The following SATB1 variants were observed in gnomAD, a reference collection of about 807,000 sequenced individuals.
The protein encoded by SATB1 is SATB homeobox 1.
In SATB1, 11 loss-of-function variants were observed where a neutral mutation model predicts 86.9. That is an observed-to-expected ratio of 0.13 (90% confidence interval 0.08 to 0.21). SATB1 has a LOEUF of 0.21. Ranked by LOEUF, SATB1 falls within the 10% of genes least tolerant of loss-of-function variation. The probability of loss-of-function intolerance (pLI) is 1.00; values close to 1 mark genes in which losing one functional copy is unlikely to be tolerated. For synonymous variants in SATB1, 357 were observed against 357.2 expected, an observed-to-expected ratio of 1.00 and a Z score of 0.01; for missense variants, 551 against 937.6, an observed-to-expected ratio of 0.59 and a Z score of 5.39.
In SATB1 at chr3:18,349,656, C is replaced by CTGCTGTTGCTGTTGCTGCTGCTGT; in HGVS notation, c.1782_1805dup (p.Gln600_Gln607dup). On this transcript the variant is annotated inframe_insertion, in exon 11 of 11. Coordinates refer to ENST00000338745, the MANE Select transcript of SATB1 (RefSeq NM_002971.6). The surrounding 1 kb of genome is among the most constrained non-coding windows in gnomAD (Gnocchi z 5.5). ...GCGGCGGTGCCTGCTGCTGCTGCTG[C>CTGCTGTTGCTGTTGCTGCTGCTGT]TGCTGTTGCTGTTGCTGCTGCTGTT... is the stretch of plus-strand genomic sequence containing the variant. 9 of 1,609,528 alleles carry CTGCTGTTGCTGTTGCTGCTGCTGT rather than the reference C, an allele frequency of 5.6e-6. No individual in the cohort carries two copies. In the Admixed American group the frequency reaches 1.3e-4, roughly 24 times the overall value.
intron 7 of SATB1, among the ~76,000 whole-genome samples, chr3:18,391,156 T>G (rs1210971787): frequency 6.6e-6 from 1 of 152,046 alleles, no homozygotes; most frequent in Non-Finnish European, 1.5e-5. Flanking sequence ...GGGAGGGTAA[T>G]GTGTTAATAT....
At chr3:18,389,261 GTTT>G (rs35192555) in intron 7 of SATB1, among the ~76,000 whole-genome samples, 7 of 129,690 alleles carry the variant, frequency 5.4e-5, no homozygotes, top group Admixed American at 7.8e-5. Context: ...AAACCTTTGG[GTTT>G]TTTTTTTTTT....
At chr3:18,419,891 A>C (rs1181346731) in intron 2 of SATB1, among the ~76,000 whole-genome samples, 2 of 152,228 alleles carry the variant, frequency 1.3e-5, no homozygotes, top group Non-Finnish European at 2.9e-5. Flanking sequence ...TTGTATGATA[A>C]ATGTTACGCA....
At chr3:18,371,451 T>A (rs1022834585) in intron 9 of SATB1, among the ~76,000 whole-genome samples, 4 of 152,220 alleles carry the variant, frequency 2.6e-5, no homozygotes, top group African/African-American at 9.6e-5. Context: ...ATGGGTTGCA[T>A]ATCTAAAAGT....
chr3:18,361,850 T>C (rs1433836153), intron 9 of SATB1, among the ~76,000 whole-genome samples: 3 of 152,156 alleles, frequency 2.0e-5, no homozygotes, highest in Non-Finnish European at 4.4e-5. Context: ...AAGACATACA[T>C]GCATACACAC....
chr3:18,419,286 G>C (rs535449844), intron 2 of SATB1, among the ~76,000 whole-genome samples: 25 of 133,436 alleles, frequency 1.9e-4, no homozygotes, highest in Non-Finnish European at 3.7e-4. Flanking sequence ...GCTAGTGTTT[G>C]GCGAGAGTTC....
intron 5 of SATB1, among the ~76,000 whole-genome samples, chr3:18,411,724 C>T (rs1304232039): frequency 6.6e-6 from 1 of 151,900 alleles, no homozygotes; most frequent in African/African-American, 2.4e-5. Context: ...AACAAAACAT[C>T]TAACCTCAGA....
At chr3:18,406,854 A>G (rs1394929968) in intron 5 of SATB1, among the ~76,000 whole-genome samples, 1 of 152,068 alleles carries the variant, frequency 6.6e-6, no homozygotes, top group African/African-American at 2.4e-5. Context: ...AGTACTACTA[A>G]TACAACTACT....
chr3:18,372,468 C>A (rs1241477293), intron 9 of SATB1, among the ~76,000 whole-genome samples: 1 of 152,128 alleles, frequency 6.6e-6, no homozygotes, highest in Non-Finnish European at 1.5e-5. Context: ...CAGAGATCTT[C>A]TGTTCATTTT....
At position 18,402,251 on chromosome 3, in the gene SATB1, G is replaced by C. The variant is rs531711409; in HGVS notation, c.640-4961C>G. Among the ~76,000 whole-genome samples the C allele has an allele frequency of 8.2e-4, 125 of 152,082 alleles. 1 individual carries two copies. The highest frequency in any genetic ancestry group is 2.7e-3 in the African/African-American group (111 of 41,502). ...CCAATGAAGGGGTTTTGAGAGAGGTGAGGCCTTCTCAAAAAAAGATTCATC... is the reference window on the plus strand; with the variant it reads ...CCAATGAAGGGGTTTTGAGAGAGGTCAGGCCTTCTCAAAAAAAGATTCATC... On this transcript the variant is annotated intron_variant, in intron 5 of 10. Coordinates refer to ENST00000338745, the MANE Select transcript of SATB1 (RefSeq NM_002971.6).
At chr3:18,421,432 GTA>G (rs1698391667) in intron 1 of SATB1, 1 of 160,414 alleles carries the variant, frequency 6.2e-6, no homozygotes, top group African/African-American at 2.4e-5. Context: ...GAAATCTAAT[GTA>G]TATGTTTTAT....
chr3:18,401,192 T>G (rs768249520), intron 5 of SATB1, among the ~76,000 whole-genome samples: 9 of 152,170 alleles, frequency 5.9e-5, no homozygotes, highest in South Asian at 2.1e-4. Context: ...CCTGGACTCA[T>G]CAGAGGGCTG....
chr3:18,370,537 G>GAAAAAAAAAAAAAAAAAAAAAAAAAA (rs1559407455), intron 9 of SATB1, among the ~76,000 whole-genome samples: 1 of 62,508 alleles, frequency 1.6e-5, no homozygotes, highest in African/African-American at 6.1e-5. Flanking sequence ...AAAAAAAAAA[G>GAAAAAAAAAAAAAAAAAAAAAAAAAA]AGGAAAAACA....
chr3:18,379,934 A>C (rs1298330795), intron 8 of SATB1, among the ~76,000 whole-genome samples: 1 of 152,206 alleles, frequency 6.6e-6, no homozygotes, highest in Non-Finnish European at 1.5e-5. Context: ...TCATAGAGAT[A>C]TATTAATGAC....
At chr3:18,373,625 A>G (rs1695584171) in intron 9 of SATB1, among the ~76,000 whole-genome samples, 1 of 152,226 alleles carries the variant, frequency 6.6e-6, no homozygotes, top group Admixed American at 6.5e-5. Context: ...CCTAAAGGTC[A>G]GAATGACGTT....
chr3:18,391,625 G>A (rs532102514), intron 7 of SATB1, among the ~76,000 whole-genome samples: 3 of 148,090 alleles, frequency 2.0e-5, no homozygotes, highest in South Asian at 2.1e-4. Flanking sequence ...GAGAATATGC[G>A]GTGTTTGGTT....
intron 10 of SATB1, chr3:18,350,393 GATTTAA>G (rs71782389): frequency 0.022 from 3,328 of 152,308 alleles, 78 homozygotes; most frequent in African/African-American, 0.049. Context: ...ATGTGGTTAG[GATTTAA>G]ATTTAGTGTA....
At position 18,352,341 on chromosome 3, in the gene SATB1, T is replaced by C. The variant is rs116001033; in HGVS notation, c.1576-146A>G. ...TCTGCTTTAAAAATTGTTTTTAACT[T>C]GTTAAGAGAGGTTATCTGTGGCTGT... is the stretch of plus-strand genomic sequence containing the variant. On this transcript the variant is annotated intron_variant, in intron 9 of 10. Coordinates refer to ENST00000338745, the MANE Select transcript of SATB1 (RefSeq NM_002971.6). The surrounding 1 kb of genome is among the most constrained non-coding windows in gnomAD (Gnocchi z 4.1). 1.2e-3 allele frequency: 826 copies of C among 663,264 alleles called. 6 individuals carry two copies. The African/African-American group carries it at 0.014, about 11-fold the overall frequency. 41.1% of individuals were successfully genotyped at this position (663,264 alleles called of 1,614,324 possible).
intron 7 of SATB1, among the ~76,000 whole-genome samples, chr3:18,388,097 T>C (rs562128185): frequency 1.4e-4 from 22 of 152,306 alleles, no homozygotes; most frequent in South Asian, 8.3e-4. Flanking sequence ...ACCTGAACTT[T>C]CGTTTTTACC....
Sources: allele counts gnomAD v4.1 joint callset (sites outside exome capture counted in the v4.1 genomes callset), GRCh38; gene constraint gnomAD v4.1.1; non-coding constraint Gnocchi (gnomAD v3.1); transcripts MANE v1.5; gene names NCBI Gene and HGNC (gene_info 2026-07-23, HGNC 2026-07-21).